CACNA2D3: variants seen among roughly 807,000 people sequenced by gnomAD.
CACNA2D3 encodes the protein calcium voltage-gated channel auxiliary subunit alpha2delta 3, also known as voltage-dependent calcium channel subunit alpha-2/delta-3.
CACNA2D3 carries 60 observed loss-of-function variants against 160.6 expected under a neutral mutation model. The observed-to-expected ratio is 0.37, with a 90% confidence interval of 0.30 to 0.46. CACNA2D3 has a LOEUF of 0.46. Among genes scored for constraint, CACNA2D3 ranks in the 20% least tolerant of loss-of-function variants. The pLI is 1.00. For missense variants in CACNA2D3, 1,205 were observed against 1,365.0 expected (o/e 0.88, Z 1.85); for synonymous variants, 558 against 492.9 (o/e 1.13, Z -1.75).
In CACNA2D3 at chr3:54,265,530, A is replaced by ATGTGTGTG. The variant is rs59375998; in HGVS notation, c.205-54892_205-54885dup. Among the ~76,000 whole-genome samples the ATGTGTGTG allele has an allele frequency of 7.7e-4, 104 of 134,854 alleles. 1 individual carries two copies. Among genetic ancestry groups the ATGTGTGTG allele is most frequent in the African/African-American group, 2.2e-3 (73 of 33,678 alleles). The allele number at this position is 134,854 out of a possible 152,430, so 88.5% of individuals were successfully genotyped here. Reference sequence around the variant, plus strand: ...GCACATGTATCCCAGAACTTAAAGTATGTGTGTGTGTGTGTGTGTGTGTGT... The same window carrying ATGTGTGTG: ...GCACATGTATCCCAGAACTTAAAGTATGTGTGTGTGTGTGTGTGTGTGTGTGTGTGTGT... On this transcript the variant is annotated intron_variant, in intron 2 of 37. Coordinates refer to ENST00000474759, the MANE Select transcript of CACNA2D3 (RefSeq NM_018398.3).
chr3:55,023,949 G>T (rs1703511646), intron 35 of CACNA2D3, among the ~76,000 whole-genome samples: 1 of 145,686 alleles, frequency 6.9e-6, no homozygotes, highest in African/African-American at 2.6e-5. Context: ...TCTCTTGTAA[G>T]ATCTTTTGTA....
intron 31 of CACNA2D3, among the ~76,000 whole-genome samples, 180 bp downstream of exon 31, chr3:54,987,933 T>A (rs1437894349): frequency 1.3e-5 from 2 of 152,104 alleles, no homozygotes; most frequent in African/African-American, 4.8e-5. Flanking sequence ...AGTGTTAGAG[T>A]CTTAGAAACT....
chr3:54,182,680 G>A (rs915042724), intron 2 of CACNA2D3, among the ~76,000 whole-genome samples: 85 of 152,102 alleles, frequency 5.6e-4, no homozygotes, highest in African/African-American at 2.0e-3. Context: ...ACTTTGCTGT[G>A]GCTGAGTGCT....
At chr3:54,321,303 GC>G (rs934709982) in intron 3 of CACNA2D3, among the ~76,000 whole-genome samples, 5 of 147,090 alleles carry the variant, frequency 3.4e-5, no homozygotes, top group African/African-American at 1.3e-4. Flanking sequence ...CTGGGTGACA[GC>G]GTGAGACTCC....
At chr3:54,127,752 G>A (rs1699623784) in intron 2 of CACNA2D3, among the ~76,000 whole-genome samples, 1 of 152,104 alleles carries the variant, frequency 6.6e-6, no homozygotes, top group South Asian at 2.1e-4. Flanking sequence ...ATCATTCAGG[G>A]CAGTTTATTG....
intron 31 of CACNA2D3, among the ~76,000 whole-genome samples, chr3:54,996,074 A>G (rs1702851909): frequency 2.0e-5 from 3 of 152,218 alleles, no homozygotes; most frequent in African/African-American, 7.2e-5. Context: ...AACAGCAGCA[A>G]TACCAACACT....
chr3:54,530,243 T>C (rs905553026), intron 5 of CACNA2D3, among the ~76,000 whole-genome samples: 81 of 152,160 alleles, frequency 5.3e-4, no homozygotes, highest in African/African-American at 1.9e-3. Context: ...CACTGTACCG[T>C]ATGTGGTCAC....
chr3:55,016,590 T>C (rs1703331754), intron 34 of CACNA2D3, among the ~76,000 whole-genome samples: 1 of 152,230 alleles, frequency 6.6e-6, no homozygotes, highest in African/African-American at 2.4e-5. Context: ...TGGGCAAAAG[T>C]GCGTGCAGGC....
chr3:54,986,155 G>A (rs1172728215), intron 30 of CACNA2D3, among the ~76,000 whole-genome samples: 2 of 152,132 alleles, frequency 1.3e-5, no homozygotes, highest in African/African-American at 2.4e-5. Flanking sequence ...GAATGATCCC[G>A]GGGCTCAGGA....
chr3:54,687,121 C>CTTTTTCTTTTTCTTTTTCTTTTTCTTT, intron 11 of CACNA2D3, among the ~76,000 whole-genome samples: 11 of 94,964 alleles, frequency 1.2e-4, no homozygotes, highest in African/African-American at 4.0e-4. Context: ...TTTTCTTTTT[C>CTTTTTCTTTTTCTTTTTCTTTTTCTTT]TTTTTTTTTT....
At position 54,797,975 on chromosome 3, in the gene CACNA2D3, T is replaced by C. The variant is rs76387541; in HGVS notation, c.1381-18878T>C. ...AATCTGGAAGATCTGCTTTGTAATA[T>C]TATATTTCATCCTAGAAGGTCCCAC... On this transcript the variant is annotated intron_variant, in intron 13 of 37. Transcript: ENST00000474759. 4.5e-4 allele frequency among the ~76,000 whole-genome samples: 68 copies of C among 152,332 alleles called. 1 individual carries two copies. The highest frequency in any genetic ancestry group is 7.9e-4 in the Non-Finnish European group (54 of 68,026).
At chr3:55,067,868 C>G (rs1491988) in intron 35 of CACNA2D3, among the ~76,000 whole-genome samples, 18,472 of 152,082 alleles carry the variant, frequency 0.12, 2,010 homozygotes, top group East Asian at 0.28. Context: ...AAACAAAAAG[C>G]CTTACCAAGA....
chr3:55,066,964 G>A (rs1317284721), intron 35 of CACNA2D3, among the ~76,000 whole-genome samples: 1 of 152,120 alleles, frequency 6.6e-6, no homozygotes. Context: ...TGCACCCTGG[G>A]CCATAAATAC....
At chr3:54,617,796 A>C (rs1443881842) in intron 9 of CACNA2D3, among the ~76,000 whole-genome samples, 1 of 152,142 alleles carries the variant, frequency 6.6e-6, no homozygotes, top group African/African-American at 2.4e-5. Context: ...TGGGGGAATG[A>C]AACCAAGTAG....
chr3:54,332,358 T>C (rs936584642), intron 3 of CACNA2D3, among the ~76,000 whole-genome samples: 1 of 152,252 alleles, frequency 6.6e-6, no homozygotes, highest in Non-Finnish European at 1.5e-5. Flanking sequence ...ATAACTGAGT[T>C]GTTAGCATTT....
intron 11 of CACNA2D3, among the ~76,000 whole-genome samples, chr3:54,642,681 A>G (rs1315226405): frequency 5.3e-5 from 8 of 151,960 alleles, no homozygotes; most frequent in Admixed American, 1.3e-4. Context: ...ACTTCTCTCT[A>G]TCTCCCACTG....
At chr3:54,634,490 G>C (rs1424960916) in intron 10 of CACNA2D3, 1 of 151,972 alleles carries the variant, frequency 6.6e-6, no homozygotes, top group Non-Finnish European at 1.5e-5. Flanking sequence ...CCTTTCATGC[G>C]CGTCTGTGTG....
chr3:54,595,313 G>GGTGTGTGT (rs71637562), intron 9 of CACNA2D3, among the ~76,000 whole-genome samples: 24 of 132,260 alleles, frequency 1.8e-4, no homozygotes, highest in African/African-American at 3.0e-4. Context: ...CTGTGTGTGT[G>GGTGTGTGT]GTGTGTGTGT....
At chr3:54,615,796 T>A (rs1221214202) in intron 9 of CACNA2D3, among the ~76,000 whole-genome samples, 1 of 152,218 alleles carries the variant, frequency 6.6e-6, no homozygotes, top group Non-Finnish European at 1.5e-5. Context: ...GTCTCTGGTC[T>A]GTTAGGAACC....
Sources: gnomAD v4.1 joint callset for allele counts (sites outside exome capture counted in the v4.1 genomes callset) on GRCh38, gnomAD v4.1.1 for gene constraint, MANE v1.5 for transcripts, NCBI Gene and HGNC (gene_info 2026-07-23, HGNC 2026-07-21) for gene names.